The following MDN1 variants were observed in gnomAD, a reference collection of about 807,000 sequenced individuals.
MDN1 encodes midasin.
In MDN1, 266 loss-of-function variants were observed where a neutral mutation model predicts 669.2. That is an observed-to-expected ratio of 0.40 (90% CI 0.36 to 0.44). The LOEUF (loss-of-function observed/expected upper bound fraction) is 0.44, where lower values mean the gene tolerates loss of function less well. Ranked by LOEUF, MDN1 falls within the 20% of genes least tolerant of loss-of-function variation. The pLI, the probability that MDN1 is intolerant of heterozygous loss-of-function variation, is 1.00. For synonymous variants in MDN1, 2,385 were observed against 2,457.1 expected, an observed-to-expected ratio of 0.97 and a Z score of 0.87; for missense variants, 5,940 against 6,754.0, an observed-to-expected ratio of 0.88 and a Z score of 4.22.
At chr6:89,756,142 G>T (rs1440720573) in intron 20 of MDN1, 135 bp downstream of exon 20, 7 of 494,502 alleles carry the variant, frequency 1.4e-5, no homozygotes, top group East Asian at 6.5e-5. Flanking sequence ...CTTTACAAGA[G>T]AATCTAAATA....
chr6:89,809,034 T>C (rs1473640288), intron 1 of MDN1, among the ~76,000 whole-genome samples: 2 of 151,350 alleles, frequency 1.3e-5, no homozygotes, highest in Non-Finnish European at 2.9e-5. Flanking sequence ...CTGAGAAACA[T>C]GCTGAAACCC....
intron 2 of MDN1, 94 bp downstream of exon 2, chr6:89,803,234 G>A (rs1229240575): frequency 1.8e-5 from 19 of 1,063,726 alleles, no homozygotes; most frequent in Middle Eastern, 2.0e-4. Flanking sequence ...CTGTATTTCC[G>A]TTTTACCTTC....
chr6:89,697,024 A>C (rs1318921525), intron 59 of MDN1, among the ~76,000 whole-genome samples: 1 of 152,230 alleles, frequency 6.6e-6, no homozygotes, highest in African/African-American at 2.4e-5. Context: ...AATGTGTGTG[A>C]TAGTCAACTC....
chr6:89,647,554 G>C (rs1004023465), intron 99 of MDN1, among the ~76,000 whole-genome samples: 2 of 152,170 alleles, frequency 1.3e-5, no homozygotes, highest in Non-Finnish European at 1.5e-5. Flanking sequence ...TGATCCTTGA[G>C]GAACTGAGAA....
At chr6:89,688,435 T>C (rs148908531) in intron 66 of MDN1, 138 bp downstream of exon 66, 19 of 752,764 alleles carry the variant, frequency 2.5e-5, no homozygotes, top group East Asian at 1.9e-4. Flanking sequence ...GTAAGTAACA[T>C]CTCATTGAAC....
intron 83 of MDN1, among the ~76,000 whole-genome samples, chr6:89,669,039 A>G (rs1810455346): frequency 6.6e-6 from 1 of 152,240 alleles, no homozygotes; most frequent in Non-Finnish European, 1.5e-5. Flanking sequence ...AAAGAATACG[A>G]CCACATAGGA....
intron 1 of MDN1, among the ~76,000 whole-genome samples, chr6:89,818,405 G>A (rs1397814239): frequency 6.6e-6 from 1 of 151,848 alleles, no homozygotes; most frequent in Non-Finnish European, 1.5e-5. Flanking sequence ...AGGCCAAGGC[G>A]GGATGATCAC....
Position 89,753,610 on chromosome 6 carries a change from C to T in MDN1, c.2977G>A (p.Gly993Ser). 5 of 1,612,226 alleles carry T rather than the reference C, an allele frequency of 3.1e-6. No individual in the cohort carries two copies. The highest frequency in any genetic ancestry group is 4.2e-6 in the Non-Finnish European group (5 of 1,178,392). ...QRSLYEGFCLGFLTQLDRASH... is the reference protein window; with the variant it reads ...QRSLYEGFCLSFLTQLDRASH... ...GCCCTGTCAAGCTGTGTTAAGAAAC[C>T]CAAACAAAAACCCTAGAAAGAAAAG... is the stretch of plus-strand genomic sequence containing the variant. Residue 993 changes from glycine to serine, a missense_variant, in exon 22 of 102, where the codon GGT becomes AGT. Gly to Ser is a moderately conservative substitution (Grantham distance 56). Coordinates refer to ENST00000369393, the MANE Select transcript of MDN1 (RefSeq NM_014611.3).
chr6:89,735,298 T>A (rs1183484647), intron 33 of MDN1, among the ~76,000 whole-genome samples: 2 of 151,852 alleles, frequency 1.3e-5, no homozygotes, highest in Non-Finnish European at 2.9e-5. Flanking sequence ...AAGTTTGAGA[T>A]TGTAAAAAGC....
At position 89,658,673 on chromosome 6, in the gene MDN1, T is replaced by C. The variant is rs1006817246; in HGVS notation, c.14958A>G (p.Lys4986=). 1.1e-5 allele frequency: 17 copies of C among 1,613,778 alleles called. No individual in the cohort carries two copies. Among genetic ancestry groups the C allele is most frequent in the Non-Finnish European group, 1.4e-5 (17 of 1,179,654 alleles). The change falls in exon 89 of 102, where the codon AAA becomes AAG. Residue 4986 remains lysine, a synonymous_variant. Transcript: ENST00000369393. ...SEEQQQSVEE[K]DKEADEEGGE... is the part of the protein sequence containing the mutation. ...CACCTTCTTCATCGGCTTCCTTGTC[T>C]TTTTCCTCCACAGACTGCTGCTGCT... is the stretch of plus-strand genomic sequence containing the variant.
intron 83 of MDN1, among the ~76,000 whole-genome samples, chr6:89,670,686 G>T (rs531105215): frequency 2.6e-4 from 40 of 152,276 alleles, no homozygotes; most frequent in African/African-American, 7.5e-4. Flanking sequence ...TCGTCAGTTT[G>T]GGGGAAAGGG....
chr6:89,786,186 G>A (rs1445861932), intron 8 of MDN1, among the ~76,000 whole-genome samples: 1 of 152,182 alleles, frequency 6.6e-6, no homozygotes, highest in Non-Finnish European at 1.5e-5. Context: ...TTGAACCCGG[G>A]AGGCAGAGGT....
rs1812325979 is a variant in MDN1 at position 89,690,721 on chromosome 6, C to T, written c.10701G>A (p.Glu3567=). The T allele has an allele frequency of 1.9e-6, 3 of 1,614,012 alleles. No individual in the cohort carries two copies. Among genetic ancestry groups the T allele is most frequent in the African/African-American group, 1.3e-5 (1 of 74,912 alleles). The part of the protein sequence containing the change: ...SRNSRTALSE[E]EEEEREFRKQ... ...TTCTGAACTCCCGTTCTTCCTCCTCCTCTTCACTCAGGGCTGTCCTAGAGT... is the reference window on the plus strand; with the variant it reads ...TTCTGAACTCCCGTTCTTCCTCCTCTTCTTCACTCAGGGCTGTCCTAGAGT... The change falls in exon 64 of 102, where the codon GAG becomes GAA. Residue 3567 remains glutamate (E), a synonymous_variant. Coordinates refer to ENST00000369393, the MANE Select transcript of MDN1 (RefSeq NM_014611.3).
chr6:89,665,932 T>C (rs1387017767), intron 84 of MDN1, among the ~76,000 whole-genome samples: 5 of 152,074 alleles, frequency 3.3e-5, no homozygotes, highest in African/African-American at 1.2e-4. Context: ...CCCAGCTACC[T>C]GGGAGACTGA....
rs745888586 is a variant in MDN1, at chr6:89,700,734, C to T, written c.8550G>A (p.Val2850=). 6.2e-7 allele frequency: 1 copy of T among 1,614,190 alleles called. No homozygotes were observed. Among genetic ancestry groups the T allele is most frequent in the Non-Finnish European group, 8.5e-7 (1 of 1,180,024 alleles). Residue 2850 remains valine, a synonymous_variant, in exon 56 of 102, where the codon GTG becomes GTA. Transcript: ENST00000369393. The part of the protein sequence containing the change: ...GWQEDINRLQ[V]VASQWTLKKS... ...TCTTTAATGTCCACTGAGAAGCAAC[C>T]ACTTGGAGACGGTTAATGTCTTCCT...
intron 31 of MDN1, among the ~76,000 whole-genome samples, chr6:89,741,898 C>T (rs1450651203): frequency 1.3e-5 from 2 of 152,104 alleles, no homozygotes; most frequent in Middle Eastern, 3.4e-3. Flanking sequence ...GTCAGGAGTT[C>T]GAGACCAGCC....
At chr6:89,651,363 C>T (rs1282359796) in intron 95 of MDN1, among the ~76,000 whole-genome samples, 2 of 147,306 alleles carry the variant, frequency 1.4e-5, no homozygotes, top group African/African-American at 5.0e-5. Context: ...AAAAAGTTGG[C>T]CCGTAATCAG....
chr6:89,686,841 T>C (rs1253470205), intron 69 of MDN1, 61 bp downstream of exon 69: 2 of 1,598,048 alleles, frequency 1.3e-6, no homozygotes, highest in South Asian at 1.1e-5. Context: ...TCCTACACTT[T>C]GCAGCACTCC....
chr6:89,707,444 A>C lies in MDN1; in HGVS notation c.7931T>G (p.Val2644Gly). 1 of 1,613,842 alleles carries C rather than the reference A, an allele frequency of 6.2e-7. No homozygotes were observed. Among genetic ancestry groups the C allele is most frequent in the South Asian group, 1.1e-5 (1 of 91,084 alleles). ...TIIYLDREKR[V>G]FTEANLVSVG... ...AGAAACCAAATTTGCTTCAGTAAAAACCCGTTTTTCCCGGTCAAGATATAT... is the reference window on the plus strand; with the variant it reads ...AGAAACCAAATTTGCTTCAGTAAAACCCCGTTTTTCCCGGTCAAGATATAT... Residue 2644 changes from valine (V) to glycine (G), a missense_variant, in exon 52 of 102, where the codon GTT becomes GGT. Val to Gly is a moderately radical substitution (Grantham distance 109, BLOSUM62 -3). Around this residue, in one of 5 missense-constraint regions of MDN1, gnomAD observed 2,292 missense variants for 2,638.3 expected, o/e 0.87. Transcript: ENST00000369393.
Sources: allele counts gnomAD v4.1 joint callset (sites outside exome capture counted in the v4.1 genomes callset), GRCh38; gene constraint gnomAD v4.1.1; regional missense constraint gnomAD v4.1.1; transcripts MANE v1.5; gene names NCBI Gene and HGNC (gene_info 2026-07-23, HGNC 2026-07-21).